Variants in MAP4K2 observed in about 807,000 individuals in gnomAD.
The protein encoded by MAP4K2 is mitogen-activated protein kinase kinase kinase kinase 2.
Under a neutral mutation model 125.3 loss-of-function variants are expected in MAP4K2, and 85 were observed. That is an observed-to-expected ratio of 0.68 (90% CI 0.57 to 0.81). MAP4K2 has a LOEUF of 0.81. Among genes scored for constraint, MAP4K2 ranks in the 40% least tolerant of loss-of-function variants. MAP4K2 has a pLI of 0.00. For missense variants in MAP4K2, 923 were observed against 1,056.4 expected, an observed-to-expected ratio of 0.87 and a Z score of 1.75; for synonymous variants, 479 against 445.1, an observed-to-expected ratio of 1.08 and a Z score of -0.96.
Position 64,788,694 on chromosome 11 carries a change from G to C in MAP4K2, c.*843C>G, listed in dbSNP as rs1940305803. 6.6e-6 allele frequency: 1 copy of C among 152,242 alleles called. No individual in the cohort carries two copies. Among genetic ancestry groups the C allele is most frequent in the South Asian group, 2.1e-4 (1 of 4,830 alleles). 9.4% of individuals were successfully genotyped at this position (152,242 alleles called of 1,614,324 possible). On this transcript the variant is annotated 3_prime_UTR_variant, in exon 32 of 32. Transcript: ENST00000294066. ...TCTGATGTTCCTGGTCTAACACCTAGGCAGTAGGTGGAGGCAGGGGATACA... is the reference window on the plus strand; with the variant it reads ...TCTGATGTTCCTGGTCTAACACCTACGCAGTAGGTGGAGGCAGGGGATACA...
chr11:64,796,851 G>C lies in MAP4K2; in HGVS notation c.1450C>G (p.Arg484Gly). The C allele has an allele frequency of 1.9e-6, 3 of 1,613,760 alleles. No individual in the cohort carries two copies. Among genetic ancestry groups the C allele is most frequent in the South Asian group, 1.1e-5 (1 of 91,088 alleles). ...FSKVFNGCPL[R>G]IHAAVTWIHP... ...ATCCAGGTGACAGCAGCGTGGATCC[G>C]CAGGGGGCAGCCATTGAAGACCTTG... Residue 484 changes from arginine (R) to glycine (G), a missense_variant, in exon 21 of 32, where the codon CGG becomes GGG. Physicochemically the swap from Arg to Gly is moderately radical, Grantham distance 125. Transcript: ENST00000294066.
At chr11:64,791,369 AGTTTTTGTTTTT>A (rs767600079) in intron 27 of MAP4K2, among the ~76,000 whole-genome samples, 1 of 151,992 alleles carries the variant, frequency 6.6e-6, no homozygotes, top group African/African-American at 2.4e-5. Context: ...AATGTTGACC[AGTTTTTGTTTTT>A]GTTTTTGTTT....
chr11:64,799,482 G>C lies in MAP4K2; in HGVS notation c.995-3C>G. 6.2e-7 allele frequency: 1 copy of C among 1,610,388 alleles called. No homozygotes were observed. Among genetic ancestry groups the C allele is most frequent in the Non-Finnish European group, 8.5e-7 (1 of 1,178,866 alleles). The stretch of plus-strand genomic sequence containing the variant: ...GGCGCCAAATTTCACCTGGTGAACT[G>C]GGGGGCCCAGAGTACAAGAGTGAAG... On this transcript the variant is annotated splice_polypyrimidine_tract_variant and splice_region_variant and intron_variant, in intron 13 of 31. Coordinates refer to ENST00000294066, the MANE Select transcript of MAP4K2 (RefSeq NM_004579.5).
chr11:64,802,585 C>T lies in MAP4K2; in HGVS notation c.223G>A (p.Ala75Thr), dbSNP rs144901559. The T allele has an allele frequency of 9.0e-5, 145 of 1,610,678 alleles. No individual in the cohort carries two copies. Among genetic ancestry groups the T allele is most frequent in the Non-Finnish European group, 1.2e-4 (140 of 1,178,660 alleles). The change falls in exon 3 of 32, where the codon GCC becomes ACC. Residue 75 changes from alanine (A) to threonine (T), a missense_variant. Ala to Thr is a moderately conservative substitution (Grantham distance 58, BLOSUM62 0). Transcript: ENST00000294066. ...CACCTGAGGTAGCTGCCAATGTAGG[C>T]CACCACATTGGGGTGGCGGCACTCA... ...LRECRHPNVV[A>T]YIGSYLRNDR...
intron 27 of MAP4K2, among the ~76,000 whole-genome samples, chr11:64,791,523 C>T (rs925933615): frequency 2.6e-5 from 4 of 152,220 alleles, no homozygotes; most frequent in South Asian, 2.1e-4. Context: ...GGACTACACA[C>T]GTGCATCAAC....
At chr11:64,799,821 A>G (rs1941053186) in intron 12 of MAP4K2, 138 bp from the exon 13 acceptor site, 3 of 694,000 alleles carry the variant, frequency 4.3e-6, no homozygotes, top group South Asian at 3.6e-5. Context: ...ATGGAACCCC[A>G]CTTCACAGAT....
intron 14 of MAP4K2, 129 bp downstream of exon 14, chr11:64,799,292 G>C: frequency 1.8e-6 from 2 of 1,119,564 alleles, no homozygotes; most frequent in South Asian, 2.7e-5. Context: ...GGCTTGCTTG[G>C]ACAGTCTAAG....
At chr11:64,790,991 C>T (rs1262073527) in intron 27 of MAP4K2, among the ~76,000 whole-genome samples, 6 of 152,142 alleles carry the variant, frequency 3.9e-5, no homozygotes, top group Admixed American at 3.9e-4. Flanking sequence ...CAAAACGTAG[C>T]CGGACGTGGT....
intron 2 of MAP4K2, 78 bp downstream of exon 2, chr11:64,802,807 G>A: frequency 6.6e-7 from 1 of 1,519,948 alleles, no homozygotes; most frequent in Non-Finnish European, 8.9e-7. Flanking sequence ...TCTCGGAAAC[G>A]TCAACCCTCC....
At chr11:64,797,747 C>T in intron 15 of MAP4K2, 83 bp from the exon 16 acceptor site, 2 of 1,343,404 alleles carry the variant, frequency 1.5e-6, no homozygotes, top group Non-Finnish European at 2.0e-6. Context: ...GCTCTGTCAC[C>T]CAGGCCGGAG....
At position 64,786,272 on chromosome 11, in the gene MAP4K2, T is replaced by G. The variant is rs1940195635; in HGVS notation, c.*3265A>C. The G allele has an allele frequency of 6.6e-6, 1 of 152,266 alleles. No individual in the cohort carries two copies. The highest frequency in any genetic ancestry group is 2.1e-4 in the South Asian group (1 of 4,838). 9.4% of individuals were successfully genotyped at this position (152,266 alleles called of 1,614,324 possible). A position where few individuals can be genotyped will look rare whatever the true frequency, so the allele number is the denominator to read the frequency against. ...TGCATTATGTCTGTTACAGTATTTC[T>G]GATCCTCCTGACAGCCCTGCAGTTG... is the stretch of plus-strand genomic sequence containing the variant. On this transcript the variant is annotated 3_prime_UTR_variant, in exon 32 of 32. Coordinates refer to ENST00000294066, the MANE Select transcript of MAP4K2 (RefSeq NM_004579.5).
At position 64,797,127 on chromosome 11, in the gene MAP4K2, TG is replaced by T; in HGVS notation, c.1341del (p.Met448Ter). ...ACCTCAGGATCCTCCCGCTGCTTCA[TG>T]GTGGCCCAGGCCGTGGGCAGCAGTG... The part of the protein sequence containing the change: ...SSPLLPTAWA[T>X]MKQREDPERS... On this transcript the variant is annotated frameshift_variant, in exon 19 of 32. Transcript: ENST00000294066. LOFTEE classifies it high-confidence loss of function. 6.2e-7 allele frequency: 1 copy of T among 1,614,156 alleles called. No individual in the cohort carries two copies. Among genetic ancestry groups the T allele is most frequent in the Non-Finnish European group, 8.5e-7 (1 of 1,180,008 alleles).
chr11:64,792,381 C>A lies in MAP4K2; in HGVS notation c.1793G>T (p.Cys598Phe). ...LSTKIPDTKGCLQCRVVRNPY... is the reference protein window; with the variant it reads ...LSTKIPDTKGFLQCRVVRNPY... ...TTTCTTACCCACACGACACTGCAAG[C>A]AGCCTTTGGTGTCAGGAATCTTGGT... is the stretch of plus-strand genomic sequence containing the variant. Residue 598 changes from cysteine (C) to phenylalanine (F), a missense_variant, in exon 25 of 32, where the codon TGC (cysteine) becomes TTC (phenylalanine). By Grantham distance (205) the Cys-to-Phe change is radical. This residue lies in a region of MAP4K2 where 833 missense variants were observed against 911.4 expected (regional missense o/e 0.91). Coordinates refer to ENST00000294066, the MANE Select transcript of MAP4K2 (RefSeq NM_004579.5). The A allele has an allele frequency of 6.4e-7, 1 of 1,572,464 alleles. No homozygotes were observed. Among genetic ancestry groups the A allele is most frequent in the Non-Finnish European group, 8.6e-7 (1 of 1,161,936 alleles).
Position 64,786,267 on chromosome 11 carries a change from A to G in MAP4K2, c.*3270T>C, listed in dbSNP as rs1424901753. The G allele has an allele frequency of 6.6e-6, 1 of 152,196 alleles. No individual in the cohort carries two copies. Among genetic ancestry groups the G allele is most frequent in the African/African-American group, 2.4e-5 (1 of 41,446 alleles). The allele number at this position is 152,196 out of a possible 1,614,324, so 9.4% of individuals were successfully genotyped here. A position where few individuals can be genotyped will look rare whatever the true frequency, so the allele number is the denominator to read the frequency against. ...GTTATTGCATTATGTCTGTTACAGT[A>G]TTTCTGATCCTCCTGACAGCCCTGC... is the stretch of plus-strand genomic sequence containing the variant. On this transcript the variant is annotated 3_prime_UTR_variant, in exon 32 of 32. Transcript: ENST00000294066.
At position 64,797,391 on chromosome 11, in the gene MAP4K2, G is replaced by A. The variant is rs374376832; in HGVS notation, c.1171-11C>T. On this transcript the variant is annotated splice_polypyrimidine_tract_variant and intron_variant, in intron 17 of 31. Coordinates refer to ENST00000294066, the MANE Select transcript of MAP4K2 (RefSeq NM_004579.5). ...TGGGGAGTCCAGCTCCTGGTAGGAG[G>A]GGCAGGGCCCAGCCCGGCCGTTACC... The A allele has an allele frequency of 3.8e-6, 6 of 1,573,442 alleles. No individual in the cohort carries two copies. The highest frequency in any genetic ancestry group is 1.2e-5 in the South Asian group (1 of 86,074).
At position 64,785,292 on chromosome 11, in the gene MAP4K2, A is replaced by G. The variant is rs891677815; in HGVS notation, c.*4245T>C. 1.3e-5 allele frequency: 2 copies of G among 152,246 alleles called. No homozygotes were observed. Among genetic ancestry groups the G allele is most frequent in the African/African-American group, 4.8e-5 (2 of 41,452 alleles). 9.4% of individuals were successfully genotyped at this position (152,246 alleles called of 1,614,324 possible). A position where few individuals can be genotyped will look rare whatever the true frequency, so the allele number is the denominator to read the frequency against. ...AGTGAAGGGGATGGTGATTATCTTGATTGTGGAAATAGCTTCACGGGTGTA... is the reference window on the plus strand; with the variant it reads ...AGTGAAGGGGATGGTGATTATCTTGGTTGTGGAAATAGCTTCACGGGTGTA... On this transcript the variant is annotated 3_prime_UTR_variant, in exon 32 of 32. Coordinates refer to ENST00000294066, the MANE Select transcript of MAP4K2 (RefSeq NM_004579.5).
In MAP4K2 at chr11:64,789,392, A is replaced by T; in HGVS notation, c.*145T>A. 1.4e-6 allele frequency: 1 copy of T among 710,442 alleles called. No individual in the cohort carries two copies. The allele number at this position is 710,442 out of a possible 1,614,324, so 44.0% of individuals were successfully genotyped here. On this transcript the variant is annotated 3_prime_UTR_variant, in exon 32 of 32. Transcript: ENST00000294066. ...GCTCCCCTCCCTCCCCAGGCCTGAA[A>T]CATTTCTCAGGATTACTTCTGACCT...
chr11:64,802,993 T>G (rs1941332915), intron 1 of MAP4K2, 51 bp from the exon 2 acceptor site: 1 of 1,564,972 alleles, frequency 6.4e-7, no homozygotes, highest in African/African-American at 1.4e-5. Flanking sequence ...GGGGGCTAGA[T>G]CCTGCCGCGG....
chr11:64,795,040 A>G (rs535849158), intron 24 of MAP4K2, among the ~76,000 whole-genome samples: 1 of 148,718 alleles, frequency 6.7e-6, no homozygotes, highest in African/African-American at 2.5e-5. Flanking sequence ...CCACCAACAC[A>G]CAACGCCATG....
Sources: gnomAD v4.1 joint callset for allele counts (sites outside exome capture counted in the v4.1 genomes callset) on GRCh38, gnomAD v4.1.1 for gene constraint, gnomAD v4.1.1 regional missense constraint, MANE v1.5 for transcripts, NCBI Gene and HGNC (gene_info 2026-07-23, HGNC 2026-07-21) for gene names.